CLOCK: variants seen among roughly 807,000 people sequenced by gnomAD.
The protein encoded by CLOCK is circadian locomoter output cycles protein kaput.
A neutral mutation model predicts 118.4 loss-of-function variants in CLOCK; 43 were observed. The ratio of observed to expected loss-of-function variants is 0.36; its 90% CI spans 0.28 to 0.47. The LOEUF is 0.47. CLOCK is among the 20% of genes least tolerant of loss of function. The pLI is 1.00. For synonymous variants in CLOCK, 326 were observed against 339.2 expected (o/e 0.96, Z 0.43); for missense variants, 846 against 999.9 (o/e 0.85, Z 2.08).
In CLOCK at chr4:55,516,920, T is replaced by A. The variant is rs541975487; in HGVS notation, c.-289-6855A>T. Among the ~76,000 whole-genome samples, 110 of 152,326 alleles carry A rather than the reference T, an allele frequency of 7.2e-4. 1 individual carries two copies. In the Middle Eastern group the frequency reaches 0.01, roughly 14 times the overall value. ...CAACTAATCTAAGTCTACTTTCAAA[T>A]AACACTAAACCACTTTATGGGTAGT... On this transcript the variant is annotated intron_variant, in intron 1 of 22. Coordinates refer to ENST00000513440, the MANE Select transcript of CLOCK (RefSeq NM_004898.4).
chr4:55,528,790 C>T (rs569742330), intron 1 of CLOCK, among the ~76,000 whole-genome samples: 1 of 152,188 alleles, frequency 6.6e-6, no homozygotes, highest in African/African-American at 2.4e-5. Flanking sequence ...TCTTTTTTTC[C>T]TAAAGACAGT....
intron 1 of CLOCK, among the ~76,000 whole-genome samples, chr4:55,543,377 C>G (rs1731407003): frequency 6.6e-6 from 1 of 152,132 alleles, no homozygotes. Context: ...AGAGCCCATA[C>G]TGGAGGCAAA....
chr4:55,465,277 G>A (rs1163219976), intron 8 of CLOCK, among the ~76,000 whole-genome samples: 2 of 152,166 alleles, frequency 1.3e-5, no homozygotes, highest in Non-Finnish European at 2.9e-5. Flanking sequence ...ATGGGAAGAT[G>A]TGTGTAAGTT....
intron 1 of CLOCK, among the ~76,000 whole-genome samples, chr4:55,538,383 G>C (rs186392390): frequency 6.6e-6 from 1 of 152,108 alleles, no homozygotes; most frequent in Admixed American, 6.5e-5. Context: ...AAGAGAACTG[G>C]AGTCTATTAC....
At position 55,444,761 on chromosome 4, in the gene CLOCK, C is replaced by T. The variant is rs1723656989; in HGVS notation, c.1564G>A (p.Ala522Thr). The T allele has an allele frequency of 6.2e-7, 1 of 1,613,892 alleles. No homozygotes were observed. Among genetic ancestry groups the T allele is most frequent in the African/African-American group, 1.3e-5 (1 of 74,912 alleles). The change falls in exon 19 of 23, where the codon GCC (alanine) becomes ACC (threonine). Residue 522 changes from alanine to threonine, a missense_variant. Ala to Thr is a moderately conservative substitution (Grantham distance 58, BLOSUM62 0). Transcript: ENST00000513440. ...AATTGGTCTTTCAGATGTTGCATGGCTCCTAATTGAGCTGAAAACTGAAAC... is the reference window on the plus strand; with the variant it reads ...AATTGGTCTTTCAGATGTTGCATGGTTCCTAATTGAGCTGAAAACTGAAAC... ...SQFQFSAQLG[A>T]MQHLKDQLEQ...
intron 15 of CLOCK, among the ~76,000 whole-genome samples, chr4:55,452,000 A>T (rs1724501398): frequency 6.6e-6 from 1 of 152,168 alleles, no homozygotes; most frequent in African/African-American, 2.4e-5. Flanking sequence ...CAAGTTTTAT[A>T]TAGATTTTTG....
rs184706183 is a variant in CLOCK, at chr4:55,519,296, G to A, written c.-289-9231C>T. Among the ~76,000 whole-genome samples, 754 of 152,220 alleles carry A rather than the reference G, an allele frequency of 5.0e-3. 3 individuals carry two copies. The highest frequency in any genetic ancestry group is 8.4e-3 in the Non-Finnish European group (569 of 68,020). On this transcript the variant is annotated intron_variant, in intron 1 of 22. Transcript: ENST00000513440. ...GGTCTCAAACTCCTAGCCTCAAGTG[G>A]TCCTCCTGCCTTGGCTTCCCACAGC... is the stretch of plus-strand genomic sequence containing the variant.
chr4:55,525,566 A>T (rs1730126817), intron 1 of CLOCK, among the ~76,000 whole-genome samples: 1 of 152,096 alleles, frequency 6.6e-6, no homozygotes, highest in South Asian at 2.1e-4. Flanking sequence ...GCAATGGCAC[A>T]ATCTTGGCTC....
In CLOCK at chr4:55,508,738, G is replaced by A. The variant is rs750634574; in HGVS notation, c.-136+1174C>T. On this transcript the variant is annotated intron_variant, in intron 2 of 22. Transcript: ENST00000513440. ...CTCCTGAGTAGCTGGGACTACAGGC[G>A]CCTGCCACCACGCCTGGCTAATTGT... Among the ~76,000 whole-genome samples the A allele has an allele frequency of 3.3e-5, 5 of 152,122 alleles. 1 individual carries two copies. The highest frequency in any genetic ancestry group is 9.6e-5 in the African/African-American group (4 of 41,496).
At chr4:55,491,423 A>G (rs985751409) in intron 2 of CLOCK, among the ~76,000 whole-genome samples, 1 of 151,904 alleles carries the variant, frequency 6.6e-6, no homozygotes, top group African/African-American at 2.4e-5. Context: ...TGAAAAGACT[A>G]ACAAAATTGA....
chr4:55,455,794 T>C, intron 13 of CLOCK, 103 bp downstream of exon 13: 1 of 873,200 alleles, frequency 1.1e-6, no homozygotes, highest in Non-Finnish European at 1.9e-6. Context: ...ATTTCAAAAA[T>C]ATGAAAATGA....
intron 1 of CLOCK, chr4:55,546,475 C>G (rs1430873618): frequency 6.6e-6 from 1 of 151,992 alleles, no homozygotes; most frequent in East Asian, 1.9e-4. Context: ...CTTCCCCGCG[C>G]CCTCACCGTG....
At chr4:55,542,613 G>A (rs1199250922) in intron 1 of CLOCK, among the ~76,000 whole-genome samples, 6 of 151,930 alleles carry the variant, frequency 3.9e-5, no homozygotes, top group Non-Finnish European at 5.9e-5. Context: ...AGAACCAGAG[G>A]GATGGATGGA....
chr4:55,520,534 A>G (rs1372249370), intron 1 of CLOCK, among the ~76,000 whole-genome samples: 2 of 152,216 alleles, frequency 1.3e-5, no homozygotes, highest in South Asian at 2.1e-4. Context: ...CTGTTGACAC[A>G]GGTATCCCAC....
In CLOCK at chr4:55,429,616, A is replaced by G. The variant is rs560525523; in HGVS notation, c.*5799T>C. The G allele has an allele frequency of 3.9e-5, 6 of 152,332 alleles. No individual in the cohort carries two copies. The highest frequency in any genetic ancestry group is 1.4e-4 in the African/African-American group (6 of 41,564). 9.4% of individuals were successfully genotyped at this position (152,332 alleles called of 1,614,324 possible). ...GGATTTTAATATGGATATGATAATG[A>G]CAGCCATTAAAAGATGCTATTTCTT... is the stretch of plus-strand genomic sequence containing the variant. On this transcript the variant is annotated 3_prime_UTR_variant, in exon 23 of 23. Transcript: ENST00000513440.
intron 1 of CLOCK, among the ~76,000 whole-genome samples, chr4:55,528,054 T>C (rs893708388): frequency 4.0e-5 from 6 of 150,424 alleles, no homozygotes; most frequent in Non-Finnish European, 7.4e-5. Context: ...AAAAATCCTA[T>C]GTTTTAAAAT....
intron 1 of CLOCK, among the ~76,000 whole-genome samples, chr4:55,531,703 CAAAAAAAAAAAAAAAAAAAA>C (rs373796432): frequency 2.4e-5 from 1 of 41,248 alleles, no homozygotes; most frequent in African/African-American, 8.9e-5. Flanking sequence ...GACTTCGTCT[CAAAAAAAAAAAAAAAAAAAA>C]AAAAAAAAGG....
chr4:55,491,244 A>G (rs969288602), intron 2 of CLOCK, among the ~76,000 whole-genome samples: 26 of 149,692 alleles, frequency 1.7e-4, no homozygotes, highest in African/African-American at 6.3e-4. Flanking sequence ...TAAAAAAAAA[A>G]AAAAAAAAAA....
intron 21 of CLOCK, among the ~76,000 whole-genome samples, chr4:55,440,611 G>A (rs531807913): frequency 3.3e-5 from 5 of 152,238 alleles, no homozygotes; most frequent in African/African-American, 1.2e-4. Context: ...AATTAAAATT[G>A]TCCATATTAA....
Sources: gnomAD v4.1 joint callset for allele counts (sites outside exome capture counted in the v4.1 genomes callset) on GRCh38, gnomAD v4.1.1 for gene constraint, MANE v1.5 for transcripts, NCBI Gene and HGNC (gene_info 2026-07-23, HGNC 2026-07-21) for gene names.